Variants in TBC1D22A observed in about 807,000 individuals in gnomAD.
TBC1D22A encodes the protein TBC1 domain family member 22A, also known as putative GTPase activator.
In TBC1D22A, 38 loss-of-function variants were observed where a neutral mutation model predicts 60.2. The ratio of observed to expected loss-of-function variants is 0.63; its 90% CI spans 0.49 to 0.83. TBC1D22A has a LOEUF of 0.83. TBC1D22A is among the 40% of genes least tolerant of loss of function. The probability of loss-of-function intolerance (pLI) is 0.00; values close to 1 mark genes in which losing one functional copy is unlikely to be tolerated. For missense variants in TBC1D22A, 628 were observed against 701.0 expected, an observed-to-expected ratio of 0.90 and a Z score of 1.18; for synonymous variants, 302 against 281.7, an observed-to-expected ratio of 1.07 and a Z score of -0.72.
chr22:47,099,009 T>C (rs1321387014), intron 11 of TBC1D22A, among the ~76,000 whole-genome samples: 1 of 152,202 alleles, frequency 6.6e-6, no homozygotes, highest in African/African-American at 2.4e-5. Context: ...GAATTTCCCA[T>C]CCTAGCCAGT....
intron 11 of TBC1D22A, among the ~76,000 whole-genome samples, chr22:47,060,517 G>A (rs1393821848): frequency 6.6e-6 from 1 of 152,054 alleles, no homozygotes; most frequent in African/African-American, 2.4e-5. Context: ...TGCAACCTCC[G>A]CTTCCCGGGT....
In TBC1D22A at chr22:46,897,650, GTGT is replaced by G. The variant is rs1569189600; in HGVS notation, c.900+2806_900+2808del. Among the ~76,000 whole-genome samples the G allele has an allele frequency of 1.0e-3, 94 of 92,650 alleles. 2 individuals carry two copies. Among genetic ancestry groups the G allele is most frequent in the African/African-American group, 4.1e-3 (87 of 21,366 alleles). The allele number at this position is 92,650 out of a possible 152,430, so 60.8% of individuals were successfully genotyped here. On this transcript the variant is annotated intron_variant, in intron 7 of 12. Coordinates refer to ENST00000337137, the MANE Select transcript of TBC1D22A (RefSeq NM_014346.5). ...GTTTTGTTTCGTTTTGTTTTTTTTT[GTGT>G]TTTTTTTTTTTTTTTTAGTTCTAGG...
intron 8 of TBC1D22A, among the ~76,000 whole-genome samples, chr22:46,961,206 A>C (rs889672289): frequency 6.6e-6 from 1 of 152,168 alleles, no homozygotes; most frequent in Admixed American, 6.5e-5. Flanking sequence ...GTAAACAGAG[A>C]TATTCATTGT....
intron 4 of TBC1D22A, among the ~76,000 whole-genome samples, chr22:46,810,523 T>C (rs1274642315): frequency 6.6e-6 from 1 of 152,202 alleles, no homozygotes; most frequent in African/African-American, 2.4e-5. Flanking sequence ...TTTTATTTTA[T>C]TATGAGGGTC....
At chr22:46,973,934 A>C (rs901067702) in intron 8 of TBC1D22A, among the ~76,000 whole-genome samples, 1 of 152,246 alleles carries the variant, frequency 6.6e-6, no homozygotes, top group South Asian at 2.1e-4. Context: ...TATCAGAAGC[A>C]GAGTTTTCAA....
chr22:47,144,098 A>G (rs2067206840), intron 12 of TBC1D22A, among the ~76,000 whole-genome samples: 2 of 152,224 alleles, frequency 1.3e-5, no homozygotes, highest in African/African-American at 4.8e-5. Context: ...ACCTGAAGAC[A>G]TGGGAGACAA....
At chr22:47,150,534 C>T (rs931395891) in intron 12 of TBC1D22A, among the ~76,000 whole-genome samples, 1 of 152,160 alleles carries the variant, frequency 6.6e-6, no homozygotes, top group Admixed American at 6.5e-5. Flanking sequence ...TGGGTGGCAC[C>T]GGAGTCCCTG....
At chr22:47,145,625 T>C (rs570451399) in intron 12 of TBC1D22A, among the ~76,000 whole-genome samples, 3 of 152,226 alleles carry the variant, frequency 2.0e-5, no homozygotes, top group Non-Finnish European at 2.9e-5. Context: ...GGCAGTTCGT[T>C]AGGAGAGGTA....
intron 11 of TBC1D22A, among the ~76,000 whole-genome samples, chr22:47,078,278 C>G (rs190437652): frequency 6.6e-6 from 1 of 152,324 alleles, no homozygotes; most frequent in East Asian, 1.9e-4. Flanking sequence ...TGCCCTTGGT[C>G]TTTGTGTCAC....
At chr22:47,007,595 G>C (rs2061632249) in intron 10 of TBC1D22A, among the ~76,000 whole-genome samples, 1 of 152,166 alleles carries the variant, frequency 6.6e-6, no homozygotes, top group Non-Finnish European at 1.5e-5. Flanking sequence ...TAGCTGCTTT[G>C]GTTTCTGGTG....
At chr22:47,145,041 G>A (rs1001426373) in intron 12 of TBC1D22A, among the ~76,000 whole-genome samples, 4 of 152,228 alleles carry the variant, frequency 2.6e-5, no homozygotes, top group Non-Finnish European at 5.9e-5. Context: ...GTTAATAAGC[G>A]CGCACCACGT....
At chr22:46,805,566 C>T (rs2085091030) in intron 4 of TBC1D22A, among the ~76,000 whole-genome samples, 1 of 152,158 alleles carries the variant, frequency 6.6e-6, no homozygotes, top group South Asian at 2.1e-4. Flanking sequence ...GTCACCAGGG[C>T]AGGCGTCTTC....
chr22:47,129,649 G>T (rs2066612281), intron 12 of TBC1D22A, among the ~76,000 whole-genome samples: 1 of 152,196 alleles, frequency 6.6e-6, no homozygotes, highest in Non-Finnish European at 1.5e-5. Context: ...GTTTGAAACT[G>T]AAAGATGAGA....
chr22:46,908,990 C>T (rs2069695664), intron 7 of TBC1D22A, among the ~76,000 whole-genome samples: 2 of 152,166 alleles, frequency 1.3e-5, no homozygotes, highest in African/African-American at 2.4e-5. Context: ...CTGCGCAGAT[C>T]TCTCCCCTGC....
intron 8 of TBC1D22A, among the ~76,000 whole-genome samples, chr22:46,917,882 G>A (rs1009725997): frequency 2.0e-5 from 3 of 152,150 alleles, no homozygotes; most frequent in African/African-American, 7.2e-5. Flanking sequence ...CTCCCATGCC[G>A]GAGTCTGGGC....
intron 12 of TBC1D22A, among the ~76,000 whole-genome samples, chr22:47,133,950 A>G (rs1306068796): frequency 6.6e-6 from 1 of 151,968 alleles, no homozygotes; most frequent in East Asian, 1.9e-4. Flanking sequence ...GAAGGTTGGC[A>G]TTTCAACCTC....
At chr22:46,840,408 TATC>T (rs1309836331) in intron 4 of TBC1D22A, among the ~76,000 whole-genome samples, 2 of 152,144 alleles carry the variant, frequency 1.3e-5, no homozygotes, top group African/African-American at 4.8e-5. Context: ...CACAACGAGT[TATC>T]ATTTCACACC....
intron 9 of TBC1D22A, among the ~76,000 whole-genome samples, chr22:46,977,009 G>A (rs578009528): frequency 2.6e-5 from 4 of 152,280 alleles, no homozygotes; most frequent in African/African-American, 7.2e-5. Flanking sequence ...TCGCCGTGAC[G>A]GTGCTTCTTG....
chr22:47,157,626 C>T (rs1280564589), intron 12 of TBC1D22A, among the ~76,000 whole-genome samples: 2 of 152,230 alleles, frequency 1.3e-5, no homozygotes, highest in East Asian at 1.9e-4. Flanking sequence ...AGCGTGCCGT[C>T]GTGAGCTCCG....
Sources: allele counts gnomAD v4.1 joint callset (sites outside exome capture counted in the v4.1 genomes callset), GRCh38; gene constraint gnomAD v4.1.1; transcripts MANE v1.5; gene names NCBI Gene and HGNC (gene_info 2026-07-23, HGNC 2026-07-21).